The following TAFA5 variants were observed in gnomAD, a reference collection of about 807,000 sequenced individuals.
TAFA5 encodes the protein TAFA chemokine like family member 5, also known as chemokine-like protein TAFA-5.
TAFA5 carries 6 observed loss-of-function variants against 15.3 expected under a neutral mutation model. That is an observed-to-expected ratio of 0.39 (90% confidence interval 0.21 to 0.77). The LOEUF (loss-of-function observed/expected upper bound fraction) is 0.77, where lower values mean the gene tolerates loss of function less well. TAFA5 is among the 30% of genes least tolerant of loss of function. The pLI, the probability that TAFA5 is intolerant of heterozygous loss-of-function variation, is 0.41. For synonymous variants in TAFA5, 103 were observed against 80.7 expected (o/e 1.28, Z -1.48); for missense variants, 161 against 193.1 (o/e 0.83, Z 0.98).
intron 3 of TAFA5, among the ~76,000 whole-genome samples, chr22:48,714,895 C>T (rs1241943400): frequency 6.6e-6 from 1 of 152,202 alleles, no homozygotes; most frequent in African/African-American, 2.4e-5. Flanking sequence ...TTCTGGTGAC[C>T]CCAGGTGTTC....
At chr22:48,660,125 G>T (rs1192347044) in intron 2 of TAFA5, among the ~76,000 whole-genome samples, 1 of 152,032 alleles carries the variant, frequency 6.6e-6, no homozygotes, top group African/African-American at 2.4e-5. Flanking sequence ...ATTCTCTCAA[G>T]GGCTGTCCCC....
At chr22:48,564,187 T>C (rs1247282438) in intron 1 of TAFA5, among the ~76,000 whole-genome samples, 1 of 151,986 alleles carries the variant, frequency 6.6e-6, no homozygotes, top group African/African-American at 2.4e-5. Context: ...AGACAACCAA[T>C]GAGAATGAGC....
chr22:48,600,825 C>CA lies in TAFA5; in HGVS notation c.113-45771dup, dbSNP rs1244356487. Among the ~76,000 whole-genome samples, 4 of 152,306 alleles carry CA rather than the reference C, an allele frequency of 2.6e-5. No homozygotes were observed. The East Asian group carries it at 7.7e-4, about 29-fold the overall frequency. ...ACTCAAGCCATAGCTGCTGCGTACC[C>CA]ACTGGTCACTTGGGAGCCAGGGCGG... On this transcript the variant is annotated intron_variant, in intron 1 of 3. Coordinates refer to ENST00000402357, the MANE Select transcript of TAFA5 (RefSeq NM_001082967.3).
At chr22:48,517,674 C>T (rs918180729) in intron 1 of TAFA5, among the ~76,000 whole-genome samples, 9 of 152,152 alleles carry the variant, frequency 5.9e-5, no homozygotes, top group African/African-American at 2.2e-4. Context: ...GACAGTCAGC[C>T]CCTTGCATGG....
chr22:48,705,784 C>A (rs1569087447), intron 2 of TAFA5, among the ~76,000 whole-genome samples: 1 of 152,260 alleles, frequency 6.6e-6, no homozygotes, highest in African/African-American at 2.4e-5. Flanking sequence ...TGTTAGCACA[C>A]ATGTGTGCAC....
At chr22:48,713,897 A>G (rs16999779) in intron 3 of TAFA5, among the ~76,000 whole-genome samples, 2,236 of 152,326 alleles carry the variant, frequency 0.015, 54 homozygotes, top group African/African-American at 0.051. Flanking sequence ...GCATGTGTCA[A>G]CGTGGCCCCA....
intron 1 of TAFA5, among the ~76,000 whole-genome samples, chr22:48,588,142 G>C (rs1484344834): frequency 6.6e-6 from 1 of 152,244 alleles, no homozygotes; most frequent in African/African-American, 2.4e-5. Flanking sequence ...TGGCCTTGAA[G>C]TGTGGAGAAG....
chr22:48,590,641 G>T (rs746206593), intron 1 of TAFA5, among the ~76,000 whole-genome samples: 1 of 152,086 alleles, frequency 6.6e-6, no homozygotes, highest in Non-Finnish European at 1.5e-5. Flanking sequence ...CTGTGACTCT[G>T]AGAGCCCACC....
chr22:48,536,907 G>A (rs149406408), intron 1 of TAFA5, among the ~76,000 whole-genome samples: 1,814 of 152,304 alleles, frequency 0.012, 16 homozygotes, highest in Non-Finnish European at 0.021. Flanking sequence ...CTGGCTGGGC[G>A]ATGGCAGCGG....
intron 2 of TAFA5, among the ~76,000 whole-genome samples, chr22:48,700,710 C>T (rs747963152): frequency 2.0e-5 from 3 of 152,098 alleles, no homozygotes; most frequent in Non-Finnish European, 4.4e-5. Flanking sequence ...GTCTGCAGGC[C>T]GGATGAGAGC....
At chr22:48,743,093 C>T (rs1930228022) in intron 3 of TAFA5, among the ~76,000 whole-genome samples, 1 of 152,210 alleles carries the variant, frequency 6.6e-6, no homozygotes, top group Non-Finnish European at 1.5e-5. Flanking sequence ...CACCCGGTGG[C>T]TTCAAACCAT....
intron 1 of TAFA5, among the ~76,000 whole-genome samples, chr22:48,586,358 G>A (rs1050976311): frequency 6.6e-6 from 1 of 152,250 alleles, no homozygotes; most frequent in African/African-American, 2.4e-5. Context: ...ACCCACCTAT[G>A]CAAATAACCT....
chr22:48,639,944 C>A (rs148928373), intron 1 of TAFA5, among the ~76,000 whole-genome samples: 4 of 152,204 alleles, frequency 2.6e-5, no homozygotes, highest in South Asian at 2.1e-4. Flanking sequence ...CCGCACCCCC[C>A]CAACCCCGCC....
At chr22:48,518,035 G>A (rs1921475941) in intron 1 of TAFA5, among the ~76,000 whole-genome samples, 1 of 152,214 alleles carries the variant, frequency 6.6e-6, no homozygotes, top group African/African-American at 2.4e-5. Flanking sequence ...CGTGGTCACA[G>A]GCGGCTGGAT....
At position 48,696,144 on chromosome 22, in the gene TAFA5, C is replaced by T. The variant is rs558974180; in HGVS notation, c.263-11573C>T. Among the ~76,000 whole-genome samples the T allele has an allele frequency of 1.4e-3, 209 of 152,280 alleles. 1 individual carries two copies. The highest frequency in any genetic ancestry group is 6.8e-3 in the Middle Eastern group (2 of 292). On this transcript the variant is annotated intron_variant, in intron 2 of 3. Coordinates refer to ENST00000402357, the MANE Select transcript of TAFA5 (RefSeq NM_001082967.3). ...TGGGCGGGTGCCATGGGAGAAGTGG[C>T]GCAGGCTGCCCACCCTCAGACCCCT... is the stretch of plus-strand genomic sequence containing the variant.
At chr22:48,630,209 G>T (rs564213809) in intron 1 of TAFA5, among the ~76,000 whole-genome samples, 1 of 152,250 alleles carries the variant, frequency 6.6e-6, no homozygotes, top group South Asian at 2.1e-4. Flanking sequence ...CTCTAAATAG[G>T]GGGCTCTGCT....
At chr22:48,508,142 GT>G (rs1252576061) in intron 1 of TAFA5, among the ~76,000 whole-genome samples, 1 of 152,180 alleles carries the variant, frequency 6.6e-6, no homozygotes, top group Non-Finnish European at 1.5e-5. Flanking sequence ...GTGGGCCACT[GT>G]TTCTCTCTCA....
At chr22:48,651,464 C>T (rs781764026) in intron 2 of TAFA5, among the ~76,000 whole-genome samples, 13 of 152,230 alleles carry the variant, frequency 8.5e-5, no homozygotes, top group Non-Finnish European at 1.5e-4. Flanking sequence ...AGGCATGAGG[C>T]CTTGCGAGCC....
chr22:48,523,336 C>T (rs543964543), intron 1 of TAFA5, among the ~76,000 whole-genome samples: 6 of 152,336 alleles, frequency 3.9e-5, no homozygotes, highest in Admixed American at 6.5e-5. Context: ...GGGGACCCTA[C>T]GGGGTAGGAT....
Sources: gnomAD v4.1 joint callset for allele counts (sites outside exome capture counted in the v4.1 genomes callset) on GRCh38, gnomAD v4.1.1 for gene constraint, MANE v1.5 for transcripts, NCBI Gene and HGNC (gene_info 2026-07-23, HGNC 2026-07-21) for gene names.